The following DHX32 variants were observed in gnomAD, a reference collection of about 807,000 sequenced individuals.
DHX32 encodes the protein DEAH-box helicase 32 (putative).
Under a neutral mutation model 70.0 loss-of-function variants are expected in DHX32, and 51 were observed. That is an observed-to-expected ratio of 0.73 (90% CI 0.58 to 0.92). DHX32 has a LOEUF of 0.92. Ranked by LOEUF, DHX32 falls within the 40% of genes least tolerant of loss-of-function variation. The pLI is 0.00. For missense variants in DHX32, 762 were observed against 891.8 expected, an observed-to-expected ratio of 0.85 and a Z score of 1.85; for synonymous variants, 310 against 315.3, an observed-to-expected ratio of 0.98 and a Z score of 0.18.
chr10:125,889,059 C>CA (rs939558787), intron 1 of DHX32, among the ~76,000 whole-genome samples: 1 of 151,994 alleles, frequency 6.6e-6, no homozygotes, highest in Non-Finnish European at 1.5e-5. Flanking sequence ...ACTCCGTTTC[C>CA]AAAAAAATAA....
intron 3 of DHX32, among the ~76,000 whole-genome samples, chr10:125,858,906 C>T (rs1944164701): frequency 6.6e-6 from 1 of 151,890 alleles, no homozygotes; most frequent in African/African-American, 2.4e-5. Flanking sequence ...AAAAAAAATG[C>T]AACCCCAAAT....
chr10:125,873,397 C>G (rs1316454909), intron 1 of DHX32, among the ~76,000 whole-genome samples: 1 of 152,178 alleles, frequency 6.6e-6, no homozygotes. Flanking sequence ...CCTCTAATCC[C>G]TCACTTTTGA....
At position 125,836,527 on chromosome 10, in the gene DHX32, ACTT is replaced by A; in HGVS notation, c.*157_*159del. On this transcript the variant is annotated 3_prime_UTR_variant, in exon 11 of 11. Transcript: ENST00000284690. Reference sequence around the variant, plus strand: ...TAGTAATTTAAAGAACTCAATAAAAACTTCTATTTTTTATTTTAAAATAATATA... The same window carrying A: ...TAGTAATTTAAAGAACTCAATAAAAACTATTTTTTATTTTAAAATAATATA... The A allele has an allele frequency of 1.5e-6, 2 of 1,336,694 alleles. No individual in the cohort carries two copies. Among genetic ancestry groups the A allele is most frequent in the Admixed American group, 3.3e-5 (1 of 30,718 alleles). 82.8% of individuals were successfully genotyped at this position (1,336,694 alleles called of 1,614,324 possible). A position where few individuals can be genotyped will look rare whatever the true frequency, so the allele number is the denominator to read the frequency against.
chr10:125,842,159 C>T (rs1218905273), intron 6 of DHX32: 1 of 584,618 alleles, frequency 1.7e-6, no homozygotes, highest in African/African-American at 1.9e-5. Context: ...CGAGGAGGGT[C>T]CCAGCTGCAG....
chr10:125,853,048 C>T (rs1230375464), intron 4 of DHX32: 5 of 1,084,298 alleles, frequency 4.6e-6, no homozygotes, highest in Middle Eastern at 2.1e-4. Flanking sequence ...CTCACCTTTA[C>T]AACACATACT....
chr10:125,840,883 C>T lies in DHX32; in HGVS notation c.1657G>A (p.Ala553Thr). The T allele has an allele frequency of 6.2e-7, 1 of 1,606,910 alleles. No homozygotes were observed. Among genetic ancestry groups the T allele is most frequent in the African/African-American group, 1.3e-5 (1 of 74,860 alleles). The part of the protein sequence containing the change: ...DHFTLISIYK[A>T]YQDTTLNSSS... ...GAATTCAGAGTTGTGTCTTGGTAAG[C>T]CTTGTAAATGCTGATGAGGGTAAAG... Residue 553 changes from alanine to threonine, a missense_variant, in exon 8 of 11, where the codon GCT (alanine) becomes ACT (threonine). By Grantham distance (58) the Ala-to-Thr change is moderately conservative. Around this residue, in one of 3 missense-constraint regions of DHX32, gnomAD observed 366 missense variants for 402.6 expected, o/e 0.91. Transcript: ENST00000284690.
At chr10:125,858,803 AAG>A (rs1312199895) in intron 3 of DHX32, among the ~76,000 whole-genome samples, 2 of 152,174 alleles carry the variant, frequency 1.3e-5, no homozygotes, top group Non-Finnish European at 2.9e-5. Flanking sequence ...AGTCTCCATG[AAG>A]AGAGGTCTAA....
At chr10:125,864,387 G>A (rs557680687) in intron 2 of DHX32, among the ~76,000 whole-genome samples, 1 of 152,296 alleles carries the variant, frequency 6.6e-6, no homozygotes, top group Admixed American at 6.5e-5. Flanking sequence ...CTCCATGGGT[G>A]CCTTTGTACC....
At chr10:125,893,946 G>T (rs1944386333) in intron 1 of DHX32, among the ~76,000 whole-genome samples, 1 of 152,040 alleles carries the variant, frequency 6.6e-6, no homozygotes, top group African/African-American at 2.4e-5. Context: ...GTAGTCAAGA[G>T]ATTTAAATAA....
intron 1 of DHX32, 121 bp downstream of exon 1, chr10:125,880,422 G>C: frequency 9.6e-7 from 1 of 1,038,220 alleles, no homozygotes; most frequent in Non-Finnish European, 1.3e-6. Flanking sequence ...TATTTTATCT[G>C]AATAATGTTT....
chr10:125,846,100 C>G (rs1049370042), intron 6 of DHX32, among the ~76,000 whole-genome samples: 31 of 152,296 alleles, frequency 2.0e-4, no homozygotes, highest in Middle Eastern at 3.4e-3. Context: ...CTAGAGGGCA[C>G]CTGTCTAGTC....
chr10:125,845,557 T>C (rs1944006997), intron 6 of DHX32, among the ~76,000 whole-genome samples: 1 of 152,174 alleles, frequency 6.6e-6, no homozygotes, highest in Non-Finnish European at 1.5e-5. Flanking sequence ...TGGTAACCAG[T>C]CCCCAAAGCC....
Position 125,859,867 on chromosome 10 carries a change from A to T in DHX32, c.585T>A (p.Asp195Glu). 1 of 1,614,136 alleles carries T rather than the reference A, an allele frequency of 6.2e-7. No individual in the cohort carries two copies. The highest frequency in any genetic ancestry group is 8.5e-7 in the Non-Finnish European group (1 of 1,180,012). Residue 195 changes from aspartate (D) to glutamate (E), a missense_variant, in exon 3 of 11, where the codon GAT (aspartate) becomes GAA (glutamate). Transcript: ENST00000284690. ...DDIHERSIATDVLLGLLKDVL... is the reference protein window; with the variant it reads ...DDIHERSIATEVLLGLLKDVL... ...CATCTTTAAGAAGTCCAAGTAACAC[A>T]TCAGTTGCAATGCTTCTTTCATGAA...
At chr10:125,876,786 T>C (rs908290488) in intron 1 of DHX32, among the ~76,000 whole-genome samples, 1 of 152,214 alleles carries the variant, frequency 6.6e-6, no homozygotes, top group African/African-American at 2.4e-5. Flanking sequence ...AATGCAATTT[T>C]AGATTGGATT....
At chr10:125,853,443 A>G (rs185253773) in intron 4 of DHX32, 194 of 299,750 alleles carry the variant, frequency 6.5e-4, no homozygotes, top group African/African-American at 3.7e-3. Context: ...GTAATAAAGA[A>G]TATTTTGTAA....
chr10:125,842,203 C>G (rs758277231), intron 6 of DHX32: 13 of 389,038 alleles, frequency 3.3e-5, no homozygotes, highest in Non-Finnish European at 5.8e-5. Context: ...TGGAGCCTGC[C>G]AGCCTCCCTG....
At chr10:125,843,548 C>G (rs1202971679) in intron 6 of DHX32, among the ~76,000 whole-genome samples, 2 of 151,800 alleles carry the variant, frequency 1.3e-5, no homozygotes, top group African/African-American at 4.8e-5. Flanking sequence ...GGAAGTGGAG[C>G]TTGTAGTGAG....
At chr10:125,853,845 G>T in intron 4 of DHX32, 116 bp downstream of exon 4, 2 of 1,323,848 alleles carry the variant, frequency 1.5e-6, no homozygotes, top group South Asian at 1.5e-5. Flanking sequence ...CAAATTCAAC[G>T]AATCCCCAGG....
intron 7 of DHX32, chr10:125,841,291 A>C: frequency 6.2e-7 from 1 of 1,614,200 alleles, no homozygotes; most frequent in Non-Finnish European, 8.5e-7. Context: ...AGGTCCAGAC[A>C]CAAGAAGAGG....
Sources: gnomAD v4.1 joint callset for allele counts (sites outside exome capture counted in the v4.1 genomes callset) on GRCh38, gnomAD v4.1.1 for gene constraint, gnomAD v4.1.1 regional missense constraint, MANE v1.5 for transcripts, NCBI Gene and HGNC (gene_info 2026-07-23, HGNC 2026-07-21) for gene names.